GRM5: variants seen among roughly 807,000 people sequenced by gnomAD.
The protein encoded by GRM5 is metabotropic glutamate receptor 5.
GRM5 carries 19 observed loss-of-function variants against 83.1 expected under a neutral mutation model. The ratio of observed to expected loss-of-function variants is 0.23; its 90% confidence interval spans 0.16 to 0.34. GRM5 has a LOEUF of 0.34. Among genes scored for constraint, GRM5 ranks in the 10% least tolerant of loss-of-function variants. The pLI is 1.00. For synonymous variants in GRM5, 675 were observed against 633.6 expected, an observed-to-expected ratio of 1.07 and a Z score of -0.98; for missense variants, 1,160 against 1,588.3, an observed-to-expected ratio of 0.73 and a Z score of 4.58.
At chr11:88,815,463 A>C (rs1343330232) in intron 3 of GRM5, among the ~76,000 whole-genome samples, 2 of 152,176 alleles carry the variant, frequency 1.3e-5, no homozygotes, top group African/African-American at 4.8e-5. Flanking sequence ...GAAGGTTCTT[A>C]ATTGAGTTTG....
At chr11:88,744,052 TA>T (rs1406057469) in intron 3 of GRM5, among the ~76,000 whole-genome samples, 1 of 152,116 alleles carries the variant, frequency 6.6e-6, no homozygotes, top group African/African-American at 2.4e-5. Context: ...AGCATACTAG[TA>T]AGGTTCCATC....
At chr11:89,000,303 CT>C (rs1187903461) in intron 2 of GRM5, among the ~76,000 whole-genome samples, 2 of 152,076 alleles carry the variant, frequency 1.3e-5, no homozygotes, top group African/African-American at 4.8e-5. Flanking sequence ...GTCAGTCTCC[CT>C]GGTTTCAAGT....
At position 88,771,208 on chromosome 11, in the gene GRM5, A is replaced by T. The variant is rs923806920; in HGVS notation, c.911+78698T>A. Among the ~76,000 whole-genome samples the T allele has an allele frequency of 2.4e-4, 37 of 152,220 alleles. 1 individual carries two copies. Among genetic ancestry groups the T allele is most frequent in the African/African-American group, 8.7e-4 (36 of 41,550 alleles). Reference sequence around the variant, plus strand: ...CATGCTTGTATTAGGGTTCTCCAGAAGGATAGAACTAATAGGATATATGTA... The same window carrying T: ...CATGCTTGTATTAGGGTTCTCCAGATGGATAGAACTAATAGGATATATGTA... On this transcript the variant is annotated intron_variant, in intron 3 of 9. Coordinates refer to ENST00000305447, the MANE Select transcript of GRM5 (RefSeq NM_001143831.3).
rs776262558 is a variant in GRM5, at chr11:88,850,165, A to C, written c.662-10T>G. 28 of 1,146,006 alleles carry C rather than the reference A, an allele frequency of 2.4e-5. No homozygotes were observed. In the African/African-American group the frequency reaches 4.1e-4, roughly 17 times the overall value. 71.0% of individuals were successfully genotyped at this position (1,146,006 alleles called of 1,614,324 possible). ...CTTTCTCCATAGTTGCCTGTGTGAA[A>C]ACATAGATAAGCAGAGGGATAGTGA... On this transcript the variant is annotated splice_polypyrimidine_tract_variant and intron_variant, in intron 2 of 9. Coordinates refer to ENST00000305447, the MANE Select transcript of GRM5 (RefSeq NM_001143831.3).
chr11:88,804,788 C>G (rs986454799), intron 3 of GRM5, among the ~76,000 whole-genome samples: 1 of 152,036 alleles, frequency 6.6e-6, no homozygotes, highest in African/African-American at 2.4e-5. Flanking sequence ...CATGGACATA[C>G]AGTGGGGAAT....
intron 3 of GRM5, among the ~76,000 whole-genome samples, chr11:88,738,407 C>A (rs1437159800): frequency 6.6e-6 from 1 of 151,976 alleles, no homozygotes; most frequent in African/African-American, 2.4e-5. Flanking sequence ...CACATCCAAG[C>A]CTTTATTTAA....
intron 4 of GRM5, among the ~76,000 whole-genome samples, chr11:88,632,712 C>T (rs1029881488): frequency 4.6e-5 from 7 of 152,156 alleles, no homozygotes; most frequent in Non-Finnish European, 1.0e-4. Context: ...AGTAGAATGG[C>T]TGCACCACAT....
intron 2 of GRM5, among the ~76,000 whole-genome samples, chr11:88,926,607 G>A (rs556148931): frequency 2.8e-4 from 43 of 152,228 alleles, no homozygotes; most frequent in African/African-American, 9.6e-4. Context: ...ATTGGAGCTA[G>A]AATTTTCACC....
At chr11:88,999,243 CTAAT>C in intron 2 of GRM5, among the ~76,000 whole-genome samples, 1 of 152,246 alleles carries the variant, frequency 6.6e-6, no homozygotes, top group South Asian at 2.1e-4. Flanking sequence ...CAAATGGAAT[CTAAT>C]TAAACTAAAG....
At chr11:88,871,775 T>C (rs1485791436) in intron 2 of GRM5, among the ~76,000 whole-genome samples, 2 of 151,670 alleles carry the variant, frequency 1.3e-5, no homozygotes, top group Non-Finnish European at 3.0e-5. Flanking sequence ...AAGGAATTTA[T>C]AGGTGTTGAA....
Position 88,514,581 on chromosome 11 carries a change from A to G in GRM5, c.2727-5077T>C, listed in dbSNP as rs186608574. Among the ~76,000 whole-genome samples, 38 of 152,302 alleles carry G rather than the reference A, an allele frequency of 2.5e-4. No individual in the cohort carries two copies. The East Asian group carries it at 6.9e-3, about 28-fold the overall frequency. On this transcript the variant is annotated intron_variant, in intron 9 of 9. Transcript: ENST00000305447. ...ACCATCAAAAAAGTCAATGGAATTT[A>G]TAATTCAATACAGGAATACAGTGTT...
chr11:88,693,129 ACAATTCAATT>A (rs146140212), intron 3 of GRM5, among the ~76,000 whole-genome samples: 11,454 of 151,856 alleles, frequency 0.075, 748 homozygotes, highest in African/African-American at 0.17. Flanking sequence ...TAGCACAGAA[ACAATTCAATT>A]CAATTCAATT....
chr11:88,592,839 G>C (rs1937673462), intron 6 of GRM5, among the ~76,000 whole-genome samples: 1 of 152,130 alleles, frequency 6.6e-6, no homozygotes, highest in Non-Finnish European at 1.5e-5. Context: ...TTGAGACAGA[G>C]TCTTGCATTG....
intron 2 of GRM5, among the ~76,000 whole-genome samples, chr11:89,015,684 G>C (rs566469835): frequency 7.9e-5 from 12 of 152,306 alleles, no homozygotes; most frequent in African/African-American, 2.6e-4. Context: ...TCCAGGAAGT[G>C]TGCCAAGTAC....
chr11:88,611,787 T>G (rs1938324690), intron 4 of GRM5, among the ~76,000 whole-genome samples: 1 of 152,106 alleles, frequency 6.6e-6, no homozygotes, highest in Non-Finnish European at 1.5e-5. Flanking sequence ...TTTTTCTAGT[T>G]CTTCTTCCTT....
chr11:88,785,097 T>C (rs1943042663), intron 3 of GRM5, among the ~76,000 whole-genome samples: 1 of 152,008 alleles, frequency 6.6e-6, no homozygotes, highest in Non-Finnish European at 1.5e-5. Flanking sequence ...CCTCTTAAAG[T>C]ATTCCAAATG....
intron 4 of GRM5, among the ~76,000 whole-genome samples, chr11:88,649,464 T>G (rs1939573175): frequency 6.9e-6 from 1 of 144,352 alleles, no homozygotes; most frequent in African/African-American, 2.5e-5. Context: ...ATATATTACA[T>G]ATATACTATA....
intron 2 of GRM5, among the ~76,000 whole-genome samples, chr11:89,037,155 C>A (rs1386315716): frequency 6.6e-6 from 1 of 151,840 alleles, no homozygotes; most frequent in East Asian, 1.9e-4. Context: ...TGTGCTTGTA[C>A]CTGTATGTCT....
chr11:88,756,315 C>T (rs867198813), intron 3 of GRM5, among the ~76,000 whole-genome samples: 1 of 152,110 alleles, frequency 6.6e-6, no homozygotes, highest in Non-Finnish European at 1.5e-5. Context: ...AGAAATACTC[C>T]ATCCAAAGAT....
Sources: gnomAD v4.1 joint callset for allele counts (sites outside exome capture counted in the v4.1 genomes callset) on GRCh38, gnomAD v4.1.1 for gene constraint, MANE v1.5 for transcripts, NCBI Gene and HGNC (gene_info 2026-07-23, HGNC 2026-07-21) for gene names.